Variants in CD300LD observed in about 807,000 individuals in gnomAD.
The protein encoded by CD300LD is CMRF35-like molecule 5.
Under a neutral mutation model 20.3 loss-of-function variants are expected in CD300LD, and 18 were observed. That is an observed-to-expected ratio of 0.89 (90% CI 0.61 to 1.32). The LOEUF (loss-of-function observed/expected upper bound fraction) is 1.32. Among genes scored for constraint, CD300LD ranks in the 40% most tolerant of loss-of-function variants. CD300LD has a pLI of 0.00. For missense variants in CD300LD, 195 were observed against 226.6 expected (o/e 0.86, Z 0.90); for synonymous variants, 104 against 90.1 (o/e 1.15, Z -0.87).
intron 1 of CD300LD, among the ~76,000 whole-genome samples, chr17:74,590,271 C>T (rs1054968670): frequency 6.6e-6 from 1 of 152,108 alleles, no homozygotes; most frequent in Admixed American, 6.5e-5. Flanking sequence ...ATTGTGAGGC[C>T]TCCCCAGTCA....
intron 1 of CD300LD, among the ~76,000 whole-genome samples, chr17:74,591,537 C>A (rs943370504): frequency 6.6e-6 from 1 of 151,862 alleles, no homozygotes; most frequent in East Asian, 1.9e-4. Flanking sequence ...CCATTTTACC[C>A]CTAGATATAT....
intron 1 of CD300LD, chr17:74,591,879 T>G: frequency 6.6e-6 from 4 of 604,668 alleles, no homozygotes; most frequent in Non-Finnish European, 1.0e-5. Context: ...CTTCCTTCAT[T>G]GATATCTGTT....
chr17:74,582,192 A>C (rs981699576), intron 3 of CD300LD, 26 bp downstream of exon 3: 3 of 1,607,378 alleles, frequency 1.9e-6, no homozygotes, highest in Non-Finnish European at 2.6e-6. Flanking sequence ...GCCTGTGCGA[A>C]AGTGGTGGGA....
At chr17:74,587,926 TC>T (rs1377921949) in intron 2 of CD300LD, among the ~76,000 whole-genome samples, 2 of 152,124 alleles carry the variant, frequency 1.3e-5, no homozygotes, top group Non-Finnish European at 2.9e-5. Flanking sequence ...CATTAAGAGA[TC>T]CCCTCAATCC....
chr17:74,583,615 A>G (rs1388404976), intron 2 of CD300LD, among the ~76,000 whole-genome samples: 3 of 152,218 alleles, frequency 2.0e-5, no homozygotes, highest in African/African-American at 7.2e-5. Flanking sequence ...CCAGAATCTA[A>G]TATAAATGGA....
intron 2 of CD300LD, among the ~76,000 whole-genome samples, chr17:74,588,307 T>C (rs979751187): frequency 4.5e-4 from 68 of 152,280 alleles, no homozygotes; most frequent in Middle Eastern, 3.4e-3. Flanking sequence ...TTAAAGGCCT[T>C]GTCTCTCAAT....
At chr17:74,584,155 G>A (rs748451218) in intron 2 of CD300LD, among the ~76,000 whole-genome samples, 3 of 152,182 alleles carry the variant, frequency 2.0e-5, no homozygotes, top group Non-Finnish European at 4.4e-5. Context: ...AGGTCTCTGT[G>A]TGAACATAAA....
chr17:74,580,029 C>T lies in CD300LD; in HGVS notation c.558G>A (p.Trp186Ter). 1.9e-6 allele frequency: 3 copies of T among 1,612,792 alleles called. No individual in the cohort carries two copies. The highest frequency in any genetic ancestry group is 1.1e-5 in the South Asian group (1 of 90,706). Residue 186 changes from tryptophan to a stop codon, truncating the protein, a stop_gained, in exon 4 of 4, where the codon TGG (tryptophan) becomes TGA (stop). Transcript: ENST00000375352. LOFTEE classifies it low-confidence loss of function (END_TRUNC). ...AAGACCTTCTTTGTGGTCTGTTTACCCAGAGGACGGTCCCCAGCATGCTCA... is the reference window on the plus strand; with the variant it reads ...AAGACCTTCTTTGTGGTCTGTTTACTCAGAGGACGGTCCCCAGCATGCTCA... ...LLLSMLGTVLWVNRPQRRS is the reference protein window; with the variant it reads ...LLLSMLGTVL
chr17:74,581,344 C>T (rs2030031828), intron 3 of CD300LD, among the ~76,000 whole-genome samples: 2 of 151,954 alleles, frequency 1.3e-5, no homozygotes, highest in Admixed American at 6.6e-5. Flanking sequence ...GCCAGAGACA[C>T]GGGCCTCTGC....
chr17:74,585,546 A>T (rs2030137624), intron 2 of CD300LD, among the ~76,000 whole-genome samples: 1 of 152,174 alleles, frequency 6.6e-6, no homozygotes, highest in Non-Finnish European at 1.5e-5. Flanking sequence ...CTATAGCTGG[A>T]AAGCCCTTAG....
intron 3 of CD300LD, among the ~76,000 whole-genome samples, chr17:74,580,847 C>T (rs1280699689): frequency 6.7e-6 from 1 of 150,180 alleles, no homozygotes; most frequent in African/African-American, 2.5e-5. Flanking sequence ...AGGTGGATTG[C>T]TTGAGCCCAA....
intron 3 of CD300LD, among the ~76,000 whole-genome samples, chr17:74,580,322 C>T (rs146122126): frequency 0.015 from 2,256 of 152,336 alleles, 25 homozygotes; most frequent in Non-Finnish European, 0.023. Context: ...CTCAGCCTGG[C>T]ATTCAAGGTC....
chr17:74,586,591 G>C lies in CD300LD; in HGVS notation c.379+1920C>G, dbSNP rs1457058384. 3.9e-5 allele frequency among the ~76,000 whole-genome samples: 6 copies of C among 152,204 alleles called. No individual in the cohort carries two copies. The East Asian group carries it at 1.2e-3, about 29-fold the overall frequency. The stretch of plus-strand genomic sequence containing the variant: ...TGTCCAGCCCACAGCCCCATCTCAG[G>C]GATAGGTTCCCGGAGGCACATTGAT... On this transcript the variant is annotated intron_variant, in intron 2 of 3. Coordinates refer to ENST00000375352, the MANE Select transcript of CD300LD (RefSeq NM_001115152.2).
chr17:74,591,812 C>A (rs1399186853), intron 1 of CD300LD, among the ~76,000 whole-genome samples: 2 of 50,712 alleles, frequency 3.9e-5, no homozygotes, highest in Non-Finnish European at 8.5e-5. Flanking sequence ...AGCGAGACAC[C>A]AGCTCAAAAA....
chr17:74,579,216 AAGTTGGCCCATTACCAG>A (rs2029979605), downstream of CD300LD: 1 of 152,140 alleles, frequency 6.6e-6, no homozygotes, highest in Admixed American at 6.5e-5. Context: ...ATCTTCCCTT[AAGTTGGCCCATTACCAG>A]AGTTTGGTTC....
At position 74,579,974 on chromosome 17, in the gene CD300LD, T is replaced by A. The variant is rs766319855; in HGVS notation, c.*28A>T. The A allele has an allele frequency of 6.9e-7, 1 of 1,445,988 alleles. No homozygotes were observed. The highest frequency in any genetic ancestry group is 1.2e-5 in the South Asian group (1 of 86,254). 89.6% of individuals were successfully genotyped at this position (1,445,988 alleles called of 1,614,324 possible). ...ACAGGACGTCAATGGGCATTGGGAC[T>A]CTCATCATCGGGCTGACTCCTCCTC... is the stretch of plus-strand genomic sequence containing the variant. On this transcript the variant is annotated 3_prime_UTR_variant, in exon 4 of 4. Transcript: ENST00000375352.
chr17:74,583,037 A>C (rs1184571840), intron 2 of CD300LD, among the ~76,000 whole-genome samples: 1 of 152,170 alleles, frequency 6.6e-6, no homozygotes, highest in Non-Finnish European at 1.5e-5. Flanking sequence ...TAAACTGTAA[A>C]TATTTAAAGA....
chr17:74,582,106 T>G, intron 3 of CD300LD, 112 bp downstream of exon 3: 1 of 728,568 alleles, frequency 1.4e-6, no homozygotes, highest in Non-Finnish European at 2.3e-6. Context: ...TTGTTGTTTG[T>G]CTGAAATTGC....
intron 2 of CD300LD, chr17:74,584,655 A>T (rs543143902): frequency 6.6e-6 from 1 of 152,320 alleles, no homozygotes; most frequent in South Asian, 2.1e-4. Context: ...TACCTAATAA[A>T]TACGAAGGGC....
Sources: allele counts gnomAD v4.1 joint callset (sites outside exome capture counted in the v4.1 genomes callset), GRCh38; gene constraint gnomAD v4.1.1; transcripts MANE v1.5; gene names NCBI Gene and HGNC (gene_info 2026-07-23, HGNC 2026-07-21).